The following AJM1 variants were observed in gnomAD, a reference collection of about 807,000 sequenced individuals.
AJM1 encodes apical junction component 1 homolog, also known as uncharacterized protein C9orf172.
In AJM1, 22 loss-of-function variants were observed where a neutral mutation model predicts 43.0. The ratio of observed to expected loss-of-function variants is 0.51; its 90% CI spans 0.37 to 0.73. The LOEUF is 0.73. AJM1 is among the 30% of genes least tolerant of loss of function. AJM1 has a pLI of 0.00. For synonymous variants in AJM1, 719 were observed against 638.3 expected, an observed-to-expected ratio of 1.13 and a Z score of -1.91; for missense variants, 1,305 against 1,343.3, an observed-to-expected ratio of 0.97 and a Z score of 0.45.
rs956401505 is a variant in AJM1, at chr9:136,847,057, G to T, written c.2643G>T (p.Thr881=). ...TGATCCTGACGCCACCGCCGGGCACGGCGGGCCTGGATCAGGACGGCGAGG... is the reference window on the plus strand; with the variant it reads ...TGATCCTGACGCCACCGCCGGGCACTGCGGGCCTGGATCAGGACGGCGAGG... ...ETLILTPPPG[T]AGLDQDGEAG... The change falls in exon 3 of 3, where the codon ACG becomes ACT. Residue 881 remains threonine, a synonymous_variant. Coordinates refer to ENST00000436881, the MANE Select transcript of AJM1 (RefSeq NM_001080482.5). The T allele has an allele frequency of 7.1e-7, 1 of 1,401,110 alleles. No individual in the cohort carries two copies. Among genetic ancestry groups the T allele is most frequent in the Middle Eastern group, 1.9e-4 (1 of 5,292 alleles). 86.8% of individuals were successfully genotyped at this position (1,401,110 alleles called of 1,614,324 possible).
At position 136,845,477 on chromosome 9, in the gene AJM1, C is replaced by A. The variant is rs1484809977; in HGVS notation, c.1063C>A (p.Pro355Thr). The A allele has an allele frequency of 1.9e-6, 3 of 1,607,094 alleles. No homozygotes were observed. Among genetic ancestry groups the A allele is most frequent in the Non-Finnish European group, 1.7e-6 (2 of 1,177,686 alleles). The change falls in exon 3 of 3, where the codon CCC (proline) becomes ACC (threonine). Residue 355 changes from proline (P) to threonine (T), a missense_variant. By Grantham distance (38) the Pro-to-Thr change is conservative. Transcript: ENST00000436881. ...GGAGGCTCCACGAGCCTACGGCCTGCCCTACGGGCCCCGCTATGTCCCCGA... is the reference window on the plus strand; with the variant it reads ...GGAGGCTCCACGAGCCTACGGCCTGACCTACGGGCCCCGCTATGTCCCCGA... ...YGEAPRAYGL[P>T]YGPRYVPEEP...
chr9:136,847,422 C>T lies in AJM1; in HGVS notation c.*77C>T. On this transcript the variant is annotated 3_prime_UTR_variant, in exon 3 of 3. Transcript: ENST00000436881. ...CCCACTCAGGCCCCGCCCGGCCCAC[C>T]CAGGGCCGCCCCCGAGCCCCGCCAG... is the stretch of plus-strand genomic sequence containing the variant. The T allele has an allele frequency of 4.2e-6, 5 of 1,197,190 alleles. No homozygotes were observed. The highest frequency in any genetic ancestry group is 4.4e-6 in the Non-Finnish European group (4 of 910,358). The allele number at this position is 1,197,190 out of a possible 1,614,324, so 74.2% of individuals were successfully genotyped here.
In AJM1 at chr9:136,847,376, GC is replaced by G. The variant is rs1460940469; in HGVS notation, c.*32del. 3 of 1,454,446 alleles carry G rather than the reference GC, an allele frequency of 2.1e-6. No individual in the cohort carries two copies. Among genetic ancestry groups the G allele is most frequent in the Non-Finnish European group, 2.7e-6 (3 of 1,102,016 alleles). The allele number at this position is 1,454,446 out of a possible 1,614,324, so 90.1% of individuals were successfully genotyped here. Reference sequence around the variant, plus strand: ...CGGGCCCACCAGGCCTAGCCCAGGCGCTGGCCCGAACCCTGCCCTGCCCACT... The same window carrying G: ...CGGGCCCACCAGGCCTAGCCCAGGCGTGGCCCGAACCCTGCCCTGCCCACT... On this transcript the variant is annotated 3_prime_UTR_variant, in exon 3 of 3. Coordinates refer to ENST00000436881, the MANE Select transcript of AJM1 (RefSeq NM_001080482.5).
At position 136,844,651 on chromosome 9, in the gene AJM1, C is replaced by G; in HGVS notation, c.237C>G (p.Arg79=). ...EPPPPESAVP[R]ARTREAEPRR... is the part of the protein sequence containing the mutation. ...CGCCGCCGGAGTCCGCTGTGCCGCGCGCCCGGACCCGCGAAGCCGAGCCAC... is the reference window on the plus strand; with the variant it reads ...CGCCGCCGGAGTCCGCTGTGCCGCGGGCCCGGACCCGCGAAGCCGAGCCAC... The change falls in exon 3 of 3, where the codon CGC becomes CGG. Residue 79 remains arginine, a synonymous_variant. Coordinates refer to ENST00000436881, the MANE Select transcript of AJM1 (RefSeq NM_001080482.5). The G allele has an allele frequency of 6.7e-7, 1 of 1,490,762 alleles. No homozygotes were observed. The highest frequency in any genetic ancestry group is 8.9e-7 in the Non-Finnish European group (1 of 1,122,698). 92.3% of individuals were successfully genotyped at this position (1,490,762 alleles called of 1,614,324 possible).
At position 136,846,626 on chromosome 9, in the gene AJM1, C is replaced by A. The variant is rs1264343364; in HGVS notation, c.2212C>A (p.Arg738Ser). The A allele has an allele frequency of 3.8e-6, 6 of 1,595,480 alleles. No homozygotes were observed. Among genetic ancestry groups the A allele is most frequent in the Non-Finnish European group, 4.2e-6 (5 of 1,176,598 alleles). The change falls in exon 3 of 3, where the codon CGC becomes AGC. Residue 738 changes from arginine (R) to serine (S), a missense_variant. By Grantham distance (110) the Arg-to-Ser change is moderately radical. This residue lies in a region of AJM1 where 391 missense variants were observed against 507.5 expected (regional missense o/e 0.77). Transcript: ENST00000436881. The part of the protein sequence containing the change: ...DSGPVHRAFS[R>S]IARVGFLSRG... The stretch of plus-strand genomic sequence containing the variant: ...CGGCCCGGTGCACCGCGCTTTCTCG[C>A]GCATCGCGCGTGTCGGCTTCCTGTC...
chr9:136,846,693 G>A lies in AJM1; in HGVS notation c.2279G>A (p.Gly760Asp). The change falls in exon 3 of 3, where the codon GGC becomes GAC. Residue 760 changes from glycine to aspartate, a missense_variant. Physicochemically the swap from Gly to Asp is moderately conservative, Grantham distance 94 (BLOSUM62 -1). Around this residue, in one of 6 missense-constraint regions of AJM1, gnomAD observed 391 missense variants for 507.5 expected, o/e 0.77. Transcript: ENST00000436881. Reference protein sequence around the residue: ...GVLFLGFPSPGSADNFLRFGL... With the variant: ...GVLFLGFPSPDSADNFLRFGL... The stretch of plus-strand genomic sequence containing the variant: ...CTCTTCCTGGGCTTCCCAAGTCCAG[G>A]CTCGGCCGACAACTTCCTGCGCTTT... 1 of 1,604,096 alleles carries A rather than the reference G, an allele frequency of 6.2e-7. No individual in the cohort carries two copies. The highest frequency in any genetic ancestry group is 2.2e-5 in the East Asian group (1 of 44,786).
rs772612661 is a variant in AJM1, at chr9:136,846,453, G to A, written c.2039G>A (p.Cys680Tyr). The change falls in exon 3 of 3, where the codon TGC (cysteine) becomes TAC (tyrosine). Residue 680 changes from cysteine (C) to tyrosine (Y), a missense_variant. Around this residue, in one of 6 missense-constraint regions of AJM1, gnomAD observed 391 missense variants for 507.5 expected, o/e 0.77. Transcript: ENST00000436881. ...CRRTETMFNA[C>Y]LYFKSCHSCY... ...CGCACCGAGACCATGTTCAACGCCTGCCTCTACTTCAAGTCCTGCCACAGC... is the reference window on the plus strand; with the variant it reads ...CGCACCGAGACCATGTTCAACGCCTACCTCTACTTCAAGTCCTGCCACAGC... 24 of 1,594,530 alleles carry A rather than the reference G, an allele frequency of 1.5e-5. No homozygotes were observed. Among genetic ancestry groups the A allele is most frequent in the Non-Finnish European group, 2.0e-5 (24 of 1,178,414 alleles).
In AJM1 at chr9:136,845,308, C is replaced by G. The variant is rs565642539; in HGVS notation, c.894C>G (p.Pro298=). ...TCCGGGGCAGCTTTGCAGCCAGTCCCGGCCCAACCTTCGACGCCTACTACC... is the reference window on the plus strand; with the variant it reads ...TCCGGGGCAGCTTTGCAGCCAGTCCGGGCCCAACCTTCGACGCCTACTACC... ...QGFRGSFAAS[P]GPTFDAYYPR... The change falls in exon 3 of 3, where the codon CCC becomes CCG. Residue 298 remains proline (P), a synonymous_variant. Transcript: ENST00000436881. 3 of 1,611,802 alleles carry G rather than the reference C, an allele frequency of 1.9e-6. No individual in the cohort carries two copies. The South Asian group carries it at 3.3e-5, about 18-fold the overall frequency.
rs573595505 is a variant in AJM1 at position 136,845,420 on chromosome 9, A to G, written c.1006A>G (p.Ile336Val). 205 of 1,611,960 alleles carry G rather than the reference A, an allele frequency of 1.3e-4. 2 individuals carry two copies. In the South Asian group the frequency reaches 2.0e-3, roughly 16 times the overall value. ...CGCAGGAGAGGTGCGCACCTTCCCA[A>G]TCCAGGAACCGCCCTCCCGCTCCTA... is the stretch of plus-strand genomic sequence containing the variant. ...YYAGEVRTFP[I>V]QEPPSRSYYG... is the part of the protein sequence containing the mutation. The change falls in exon 3 of 3, where the codon ATC becomes GTC. Residue 336 changes from isoleucine (I) to valine (V), a missense_variant. Ile to Val is a conservative substitution (Grantham distance 29). Coordinates refer to ENST00000436881, the MANE Select transcript of AJM1 (RefSeq NM_001080482.5).
chr9:136,848,525 A>C lies in AJM1; in HGVS notation c.*1180A>C, dbSNP rs754690791. The C allele has an allele frequency of 6.6e-5, 10 of 152,312 alleles. No homozygotes were observed. Among genetic ancestry groups the C allele is most frequent in the Non-Finnish European group, 1.3e-4 (9 of 68,098 alleles). The allele number at this position is 152,312 out of a possible 1,614,324, so 9.4% of individuals were successfully genotyped here. A position where few individuals can be genotyped will look rare whatever the true frequency, so the allele number is the denominator to read the frequency against. Reference sequence around the variant, plus strand: ...ACGCAAGGGCCCTCCTGGAGTCCCCAGCCCTACTTCGGAGCCAGGGGAGGG... The same window carrying C: ...ACGCAAGGGCCCTCCTGGAGTCCCCCGCCCTACTTCGGAGCCAGGGGAGGG... On this transcript the variant is annotated 3_prime_UTR_variant, in exon 3 of 3. Coordinates refer to ENST00000436881, the MANE Select transcript of AJM1 (RefSeq NM_001080482.5).
chr9:136,842,652 G>A (rs1156929995), intron 1 of AJM1, among the ~76,000 whole-genome samples, 63 bp downstream of exon 1: 1 of 152,236 alleles, frequency 6.6e-6, no homozygotes, highest in African/African-American at 2.4e-5. Context: ...AGCTGCCTTA[G>A]GGCAGCCGAA....
In AJM1 at chr9:136,847,442, C is replaced by T. The variant is rs1254324754; in HGVS notation, c.*97C>T. 2.0e-6 allele frequency: 2 copies of T among 1,000,782 alleles called. No homozygotes were observed. Among genetic ancestry groups the T allele is most frequent in the Admixed American group, 3.8e-5 (1 of 26,230 alleles). The allele number at this position is 1,000,782 out of a possible 1,614,324, so 62.0% of individuals were successfully genotyped here. On this transcript the variant is annotated 3_prime_UTR_variant, in exon 3 of 3. Transcript: ENST00000436881. Reference sequence around the variant, plus strand: ...CCCACCCAGGGCCGCCCCCGAGCCCCGCCAGGGCCCCACCCCGACTTCTTC... The same window carrying T: ...CCCACCCAGGGCCGCCCCCGAGCCCTGCCAGGGCCCCACCCCGACTTCTTC...
rs1157394188 is a variant in AJM1 at position 136,845,038 on chromosome 9, G to A, written c.624G>A (p.Gly208=). The stretch of plus-strand genomic sequence containing the variant: ...CCACCCGGGGCTCGCGGTCCTGCGG[G>A]CCCACCGAGGCCGCGCACTGGGCCC... ...QHATRGSRSC[G]PTEAAHWARP... Residue 208 remains glycine (G), a synonymous_variant, in exon 3 of 3, where the codon GGG becomes GGA. Coordinates refer to ENST00000436881, the MANE Select transcript of AJM1 (RefSeq NM_001080482.5). 9.3e-6 allele frequency: 7 copies of A among 756,682 alleles called. No homozygotes were observed. Among genetic ancestry groups the A allele is most frequent in the Admixed American group, 2.5e-5 (1 of 40,640 alleles). 46.9% of individuals were successfully genotyped at this position (756,682 alleles called of 1,614,324 possible). A position where few individuals can be genotyped will look rare whatever the true frequency, so the allele number is the denominator to read the frequency against.
Position 136,847,613 on chromosome 9 carries a change from C to T in AJM1, c.*268C>T, listed in dbSNP as rs1264408370. ...CCCACCCCCAGCAACCCCTCTCCCT[C>T]CTCCGGGCCTCCTCCCTCTCCCAGC... On this transcript the variant is annotated 3_prime_UTR_variant, in exon 3 of 3. Transcript: ENST00000436881. 10 of 408,766 alleles carry T rather than the reference C, an allele frequency of 2.4e-5. No homozygotes were observed. Among genetic ancestry groups the T allele is most frequent in the African/African-American group, 1.7e-4 (8 of 47,940 alleles). The allele number at this position is 408,766 out of a possible 1,614,324, so 25.3% of individuals were successfully genotyped here.
chr9:136,845,839 C>T lies in AJM1; in HGVS notation c.1425C>T (p.Arg475=), dbSNP rs941650741. The part of the protein sequence containing the change: ...RGRSYENLLG[R]EVREPRGVSP... ...GCAGCTACGAGAACCTGCTGGGGCGCGAGGTGCGGGAGCCGCGAGGCGTGT... is the reference window on the plus strand; with the variant it reads ...GCAGCTACGAGAACCTGCTGGGGCGTGAGGTGCGGGAGCCGCGAGGCGTGT... The change falls in exon 3 of 3, where the codon CGC becomes CGT. Residue 475 remains arginine, a synonymous_variant. Transcript: ENST00000436881. 4 of 1,559,730 alleles carry T rather than the reference C, an allele frequency of 2.6e-6. No individual in the cohort carries two copies. The East Asian group carries it at 7.2e-5, about 28-fold the overall frequency.
Position 136,846,804 on chromosome 9 carries a change from G to A in AJM1, c.2390G>A (p.Arg797His). 1 of 1,592,068 alleles carries A rather than the reference G, an allele frequency of 6.3e-7. No individual in the cohort carries two copies. The highest frequency in any genetic ancestry group is 1.7e-5 in the Admixed American group (1 of 59,076). ...GCGGCGCCCCTGGGCAGCTACGCGC[G>A]CGAGCTGGCGGCCGCTGGGCGCCTC... is the stretch of plus-strand genomic sequence containing the variant. ...THAAPLGSYA[R>H]ELAAAGRLYE... Residue 797 changes from arginine to histidine, a missense_variant, in exon 3 of 3, where the codon CGC (arginine) becomes CAC (histidine). Around this residue, in one of 6 missense-constraint regions of AJM1, gnomAD observed 391 missense variants for 507.5 expected, o/e 0.77. Coordinates refer to ENST00000436881, the MANE Select transcript of AJM1 (RefSeq NM_001080482.5).
rs778614881 is a variant in AJM1 at position 136,845,560 on chromosome 9, C to T, written c.1146C>T (p.Tyr382=). The T allele has an allele frequency of 8.2e-6, 13 of 1,591,766 alleles. No individual in the cohort carries two copies. Among genetic ancestry groups the T allele is most frequent in the Middle Eastern group, 1.6e-4 (1 of 6,062 alleles). ...RPFYTEDFGR[Y]RERDVLARTY... is the part of the protein sequence containing the mutation. ...TTTACACGGAGGACTTCGGAAGGTA[C>T]CGCGAGCGTGACGTCCTGGCTCGGA... Residue 382 remains tyrosine, a synonymous_variant, in exon 3 of 3, where the codon TAC becomes TAT. Transcript: ENST00000436881.
chr9:136,845,616 G>T lies in AJM1; in HGVS notation c.1202G>T (p.Trp401Leu). Residue 401 changes from tryptophan to leucine, a missense_variant, in exon 3 of 3, where the codon TGG becomes TTG. This residue lies in a region of AJM1 where 653 missense variants were observed against 549.1 expected (regional missense o/e 1.19). Transcript: ENST00000436881. The stretch of plus-strand genomic sequence containing the variant: ...CCGCACCCGCGCAGCAGCCCGGCCT[G>T]GGCGGACTGGGGCCCGCGACCGTAC... ...TYPHPRSSPA[W>L]ADWGPRPYRT... 1 of 1,578,728 alleles carries T rather than the reference G, an allele frequency of 6.3e-7. No homozygotes were observed. The highest frequency in any genetic ancestry group is 1.8e-5 in the Admixed American group (1 of 56,672).
rs1248241708 is a variant in AJM1 at position 136,842,513 on chromosome 9, GCAGCAGTGCCGGGGACA to G, written c.-216_-200del. Among the ~76,000 whole-genome samples the G allele has an allele frequency of 1.3e-5, 2 of 152,220 alleles. No homozygotes were observed. Among genetic ancestry groups the G allele is most frequent in the Middle Eastern group, 3.2e-3 (1 of 316 alleles). On this transcript the variant is annotated 5_prime_UTR_variant, in exon 1 of 3. Transcript: ENST00000436881. ...GGAAGCTTCTGCCCGTGCCGGGGAC[GCAGCAGTGCCGGGGACA>G]CAGAGGAGCCGACCTGGGGGTGGCA...
Sources: allele counts gnomAD v4.1 joint callset (sites outside exome capture counted in the v4.1 genomes callset), GRCh38; gene constraint gnomAD v4.1.1; regional missense constraint gnomAD v4.1.1; transcripts MANE v1.5; gene names NCBI Gene and HGNC (gene_info 2026-07-23, HGNC 2026-07-21).